The following SLC35G2 variants were observed in gnomAD, a reference collection of about 807,000 sequenced individuals.
SLC35G2 encodes solute carrier family 35 member G2.
Under a neutral mutation model 27.2 loss-of-function variants are expected in SLC35G2, and 20 were observed. The observed-to-expected ratio is 0.74, with a 90% CI of 0.52 to 1.07. SLC35G2 has a LOEUF of 1.07. Among genes scored for constraint, SLC35G2 ranks in the 50% least tolerant of loss-of-function variants. The probability of loss-of-function intolerance (pLI) is 0.00; values close to 1 mark genes in which losing one functional copy is unlikely to be tolerated. For synonymous variants in SLC35G2, 148 were observed against 165.3 expected, an observed-to-expected ratio of 0.90 and a Z score of 0.80; for missense variants, 416 against 493.3, an observed-to-expected ratio of 0.84 and a Z score of 1.48.
intron 1 of SLC35G2, chr3:136,841,806 A>G (rs1230798039): frequency 1.3e-5 from 2 of 152,078 alleles, no homozygotes; most frequent in East Asian, 3.9e-4. Context: ...GATCCCCAAA[A>G]TAACATTTTT....
intron 1 of SLC35G2, among the ~76,000 whole-genome samples, chr3:136,832,873 C>T (rs1227261614): frequency 6.6e-6 from 1 of 152,070 alleles, no homozygotes; most frequent in African/African-American, 2.4e-5. Flanking sequence ...TCGACACCAT[C>T]CTGGCTAACA....
At position 136,844,777 on chromosome 3, in the gene SLC35G2, G is replaced by A. The variant is rs147043008; in HGVS notation, c.-18-9666G>A. ...TGGGCCACTGCACTCCAGCCTGGGCGACAGCAAGACTCTCTGTCTCAAAAA... is the reference window on the plus strand; with the variant it reads ...TGGGCCACTGCACTCCAGCCTGGGCAACAGCAAGACTCTCTGTCTCAAAAA... On this transcript the variant is annotated intron_variant, in intron 1 of 1. Transcript: ENST00000446465. 3.2e-3 allele frequency among the ~76,000 whole-genome samples: 384 copies of A among 120,172 alleles called. 3 individuals carry two copies. The highest frequency in any genetic ancestry group is 0.012 in the African/African-American group (362 of 31,144). The allele number at this position is 120,172 out of a possible 152,430, so 78.8% of individuals were successfully genotyped here.
chr3:136,837,138 C>T (rs1936895213), intron 1 of SLC35G2, among the ~76,000 whole-genome samples: 1 of 150,234 alleles, frequency 6.7e-6, no homozygotes, highest in Non-Finnish European at 1.5e-5. Flanking sequence ...TATCTACACA[C>T]ACACAACACA....
chr3:136,854,846 C>T lies in SLC35G2; in HGVS notation c.386C>T (p.Ser129Phe), dbSNP rs917039914. Residue 129 changes from serine (S) to phenylalanine (F), a missense_variant, in exon 2 of 2, where the codon TCT (serine) becomes TTT (phenylalanine). Transcript: ENST00000446465. Reference sequence around the variant, plus strand: ...ATCACTAGGCTTGTTTCTGATCGGTCTAAAGTTCCATCTCTAGAACTGATT... The same window carrying T: ...ATCACTAGGCTTGTTTCTGATCGGTTTAAAGTTCCATCTCTAGAACTGATT... ...ALITRLVSDR[S>F]KVPSLELIFI... The T allele has an allele frequency of 6.2e-7, 1 of 1,614,160 alleles. No homozygotes were observed. The highest frequency in any genetic ancestry group is 8.5e-7 in the Non-Finnish European group (1 of 1,180,030).
At chr3:136,854,020 A>C (rs979488054) in intron 1 of SLC35G2, among the ~76,000 whole-genome samples, 1 of 152,226 alleles carries the variant, frequency 6.6e-6, no homozygotes, top group African/African-American at 2.4e-5. Context: ...TTGATTATAC[A>C]AAATACTTTG....
intron 1 of SLC35G2, among the ~76,000 whole-genome samples, chr3:136,845,927 A>G (rs1576909010): frequency 6.6e-6 from 1 of 151,614 alleles, no homozygotes; most frequent in Non-Finnish European, 1.5e-5. Context: ...GGTTACTTTT[A>G]TGTGTCCACT....
At position 136,841,888 on chromosome 3, in the gene SLC35G2, T is replaced by G. The variant is rs377066475; in HGVS notation, c.-18-12555T>G. 3.2e-4 allele frequency: 48 copies of G among 152,288 alleles called. No individual in the cohort carries two copies. The East Asian group carries it at 9.3e-3, about 29-fold the overall frequency. The allele number at this position is 152,288 out of a possible 1,614,324, so 9.4% of individuals were successfully genotyped here. A position where few individuals can be genotyped will look rare whatever the true frequency, so the allele number is the denominator to read the frequency against. The stretch of plus-strand genomic sequence containing the variant: ...CGTGTGGAAAAACCCCAGTTTATAT[T>G]CAATTGAAAGTCTAAAATTATATCC... On this transcript the variant is annotated intron_variant, in intron 1 of 1. Coordinates refer to ENST00000446465, the MANE Select transcript of SLC35G2 (RefSeq NM_025246.3).
At position 136,835,163 on chromosome 3, in the gene SLC35G2, G is replaced by T. The variant is rs1936831147; in HGVS notation, c.-19+15535G>T. On this transcript the variant is annotated intron_variant, in intron 1 of 1. Coordinates refer to ENST00000446465, the MANE Select transcript of SLC35G2 (RefSeq NM_025246.3). ...TCCTAACAATTTCCTTTTTGAAAAA[G>T]TATTTCTTACTTTTGGTCTAGAATC... Among the ~76,000 whole-genome samples, 3 of 152,144 alleles carry T rather than the reference G, an allele frequency of 2.0e-5. No homozygotes were observed. The South Asian group carries it at 6.2e-4, about 32-fold the overall frequency.
At chr3:136,824,938 T>C (rs2107995713) in intron 1 of SLC35G2, among the ~76,000 whole-genome samples, 1 of 152,246 alleles carries the variant, frequency 6.6e-6, no homozygotes, top group African/African-American at 2.4e-5. Flanking sequence ...GTATGTGATG[T>C]TCCTCACCCT....
chr3:136,854,812 GT>G lies in SLC35G2; in HGVS notation c.353del (p.Val118GlufsTer17). Reference protein sequence around the residue: ...LFGSALAHGCVALITRLVSDR... With the variant: ...LFGSALAHGCXALITRLVSDR... ...TGGATCTGCTTTGGCTCATGGATGT[GT>G]AGCTCTTATCACTAGGCTTGTTTCT... On this transcript the variant is annotated frameshift_variant, in exon 2 of 2. Transcript: ENST00000446465. LOFTEE classifies it high-confidence loss of function. 1 of 1,614,172 alleles carries G rather than the reference GT, an allele frequency of 6.2e-7. No individual in the cohort carries two copies. Among genetic ancestry groups the G allele is most frequent in the Non-Finnish European group, 8.5e-7 (1 of 1,180,018 alleles).
chr3:136,834,552 A>G (rs1418149897), intron 1 of SLC35G2, among the ~76,000 whole-genome samples: 3 of 151,248 alleles, frequency 2.0e-5, no homozygotes, highest in Non-Finnish European at 2.9e-5. Context: ...CTGGTCTTGA[A>G]CTCCTGACCT....
intron 1 of SLC35G2, among the ~76,000 whole-genome samples, chr3:136,836,861 C>G (rs1936885856): frequency 6.6e-6 from 1 of 152,166 alleles, no homozygotes; most frequent in African/African-American, 2.4e-5. Context: ...GCTTTTATTA[C>G]AGATTCTTAG....
At chr3:136,850,931 G>A (rs1937604178) in intron 1 of SLC35G2, among the ~76,000 whole-genome samples, 3 of 152,150 alleles carry the variant, frequency 2.0e-5, no homozygotes, top group Admixed American at 2.0e-4. Context: ...GCTGCAGTGA[G>A]CAGTGATCAC....
At chr3:136,835,369 G>T (rs539189525) in intron 1 of SLC35G2, among the ~76,000 whole-genome samples, 21 of 93,658 alleles carry the variant, frequency 2.2e-4, no homozygotes, top group South Asian at 8.6e-4. Context: ...TTCTTGATTA[G>T]ATTCAGGTGA....
intron 1 of SLC35G2, chr3:136,820,079 C>T (rs1936409593): frequency 6.6e-6 from 1 of 152,278 alleles, no homozygotes; most frequent in South Asian, 2.1e-4. Flanking sequence ...AGGCTCAGCG[C>T]GGACCTGCAT....
intron 1 of SLC35G2, among the ~76,000 whole-genome samples, chr3:136,825,769 T>C (rs1936568940): frequency 6.6e-6 from 1 of 152,256 alleles, no homozygotes; most frequent in Admixed American, 6.5e-5. Flanking sequence ...TCATGATGAA[T>C]GACTGTTTTA....
chr3:136,854,547 T>C lies in SLC35G2; in HGVS notation c.87T>C (p.His29=), dbSNP rs768726219. 4.3e-6 allele frequency: 7 copies of C among 1,610,834 alleles called. No homozygotes were observed. Among genetic ancestry groups the C allele is most frequent in the Non-Finnish European group, 5.9e-6 (7 of 1,179,254 alleles). The change falls in exon 2 of 2, where the codon CAT becomes CAC. Residue 29 remains histidine, a synonymous_variant. Coordinates refer to ENST00000446465, the MANE Select transcript of SLC35G2 (RefSeq NM_025246.3). ...PNTVMVKYTS[H]YPQPGDDGYE... is the part of the protein sequence containing the mutation. ...CAGTGATGGTGAAATATACTTCTCA[T>C]TATCCCCAGCCTGGCGATGATGGAT...
Position 136,855,180 on chromosome 3 carries a change from CATT to C in SLC35G2, c.721_723del (p.Ile241del), listed in dbSNP as rs771910322. On this transcript the variant is annotated inframe_deletion, in exon 2 of 2. Coordinates refer to ENST00000446465, the MANE Select transcript of SLC35G2 (RefSeq NM_025246.3). Reference sequence around the variant, plus strand: ...GTGTTTGTCTTGTCATGATCCCAAACATTGTTGATGAAGACAATTCTTTGTTAA... The same window carrying C: ...GTGTTTGTCTTGTCATGATCCCAAACGTTGATGAAGACAATTCTTTGTTAA... 54 of 1,614,020 alleles carry C rather than the reference CATT, an allele frequency of 3.3e-5. No homozygotes were observed. The highest frequency in any genetic ancestry group is 4.2e-5 in the Non-Finnish European group (50 of 1,180,024).
intron 1 of SLC35G2, among the ~76,000 whole-genome samples, chr3:136,829,227 A>C (rs1576888649): frequency 6.7e-6 from 1 of 148,896 alleles, no homozygotes; most frequent in African/African-American, 2.5e-5. Context: ...CCTTTAGATG[A>C]CTTTTTTTTT....
Sources: gnomAD v4.1 joint callset for allele counts (sites outside exome capture counted in the v4.1 genomes callset) on GRCh38, gnomAD v4.1.1 for gene constraint, MANE v1.5 for transcripts, NCBI Gene and HGNC (gene_info 2026-07-23, HGNC 2026-07-21) for gene names.